The following NCOA2 variants were observed in gnomAD, a reference collection of about 807,000 sequenced individuals.
NCOA2 encodes nuclear receptor coactivator 2.
Under a neutral mutation model 145.1 loss-of-function variants are expected in NCOA2, and 21 were observed. The ratio of observed to expected loss-of-function variants is 0.14; its 90% CI spans 0.10 to 0.21. The LOEUF (loss-of-function observed/expected upper bound fraction) is 0.21, where lower values mean the gene tolerates loss of function less well. Ranked by LOEUF, NCOA2 falls within the 10% of genes least tolerant of loss-of-function variation. NCOA2 has a pLI of 1.00. For missense variants in NCOA2, 1,472 were observed against 1,837.6 expected, an observed-to-expected ratio of 0.80 and a Z score of 3.64; for synonymous variants, 619 against 637.5, an observed-to-expected ratio of 0.97 and a Z score of 0.44.
intron 9 of NCOA2, 82 bp downstream of exon 9, chr8:70,162,629 C>A (rs1032209924): frequency 2.9e-5 from 41 of 1,437,548 alleles, no homozygotes; most frequent in Non-Finnish European, 3.8e-5. Flanking sequence ...CAGCTCTGTT[C>A]CCAAGGTGAA....
chr8:70,142,582 C>T (rs1019351382), intron 13 of NCOA2, among the ~76,000 whole-genome samples: 1 of 152,002 alleles, frequency 6.6e-6, no homozygotes, highest in Non-Finnish European at 1.5e-5. Flanking sequence ...GCCTGTAGTC[C>T]CAATTACTCA....
chr8:70,282,411 C>A (rs1046406271), intron 2 of NCOA2, among the ~76,000 whole-genome samples: 4 of 152,160 alleles, frequency 2.6e-5, no homozygotes, highest in Non-Finnish European at 5.9e-5. Context: ...TAAGGCCGGG[C>A]ACGGAGGCTC....
chr8:70,238,928 T>C (rs1191362933), intron 2 of NCOA2, among the ~76,000 whole-genome samples: 1 of 152,148 alleles, frequency 6.6e-6, no homozygotes, highest in African/African-American at 2.4e-5. Flanking sequence ...TCCCTCCATA[T>C]CTGCAATCTT....
intron 1 of NCOA2, among the ~76,000 whole-genome samples, chr8:70,395,235 T>C (rs1813545583): frequency 6.6e-6 from 1 of 152,216 alleles, no homozygotes; most frequent in African/African-American, 2.4e-5. Flanking sequence ...GGTCAGAAGT[T>C]TGAATCATTA....
intron 2 of NCOA2, among the ~76,000 whole-genome samples, chr8:70,277,013 CA>C (rs1470284812): frequency 6.6e-6 from 1 of 152,116 alleles, no homozygotes; most frequent in African/African-American, 2.4e-5. Context: ...TCTTAAAAAA[CA>C]ATTTCTAAGA....
intron 2 of NCOA2, among the ~76,000 whole-genome samples, chr8:70,251,686 T>A (rs1444527691): frequency 6.6e-6 from 1 of 152,200 alleles, no homozygotes; most frequent in African/African-American, 2.4e-5. Flanking sequence ...CAGAGAAAGA[T>A]CCCAAGAATT....
chr8:70,349,838 AACTT>A, intron 1 of NCOA2, among the ~76,000 whole-genome samples: 1 of 152,186 alleles, frequency 6.6e-6, no homozygotes, highest in Non-Finnish European at 1.5e-5. Context: ...AATTTCCACT[AACTT>A]ACTCTCTAAT....
chr8:70,150,184 GC>G (rs1212322597), intron 11 of NCOA2, among the ~76,000 whole-genome samples: 1 of 152,150 alleles, frequency 6.6e-6, no homozygotes, highest in Admixed American at 6.5e-5. Flanking sequence ...CCATTTTTTA[GC>G]TAGTTTAGCC....
In NCOA2 at chr8:70,157,116, T is replaced by C. The variant is rs1174451340; in HGVS notation, c.1249A>G (p.Met417Val). 1 of 1,613,988 alleles carries C rather than the reference T, an allele frequency of 6.2e-7. No individual in the cohort carries two copies. The change falls in exon 11 of 23, where the codon ATG (methionine) becomes GTG (valine). Residue 417 changes from methionine (M) to valine (V), a missense_variant. Transcript: ENST00000452400. ...ALCSGNPGQD[M>V]TLSSNINFPI... ...AAATTTATATTGCTACTGAGGGTCA[T>C]GTCCTGACCTGGGTTCCCACTGCAC...
At chr8:70,433,343 TA>T in the NCOA2 span, among the ~76,000 whole-genome samples, 18,536 of 137,684 alleles carry the variant, frequency 0.13, 1,187 homozygotes, top group Middle Eastern at 0.22. Context: ...AGAAGTACAC[TA>T]AAAAAAAAAA....
chr8:70,304,655 TTTG>T (rs1286887543), intron 1 of NCOA2, among the ~76,000 whole-genome samples: 1 of 151,496 alleles, frequency 6.6e-6, no homozygotes, highest in Non-Finnish European at 1.5e-5. Context: ...TTTGTTTTGT[TTTG>T]TTTTTTTGTT....
chr8:70,114,973 C>G (rs1484013326), intron 22 of NCOA2, among the ~76,000 whole-genome samples: 1 of 152,138 alleles, frequency 6.6e-6, no homozygotes, highest in Non-Finnish European at 1.5e-5. Context: ...GATTTTACTT[C>G]TCAGAGAAGA....
chr8:70,216,897 T>C, intron 2 of NCOA2, 133 bp from the exon 3 acceptor site: 1 of 590,614 alleles, frequency 1.7e-6, no homozygotes, highest in South Asian at 2.2e-5. Context: ...CATTGTTTTA[T>C]GTGCATGTAT....
At chr8:70,218,899 C>G (rs1355568364) in intron 2 of NCOA2, among the ~76,000 whole-genome samples, 1 of 151,900 alleles carries the variant, frequency 6.6e-6, no homozygotes, top group Non-Finnish European at 1.5e-5. Context: ...ATGGCTATTC[C>G]CCCCCTCAAA....
intron 4 of NCOA2, among the ~76,000 whole-genome samples, chr8:70,187,563 T>TGA (rs1816213587): frequency 1.3e-5 from 2 of 152,262 alleles, no homozygotes; most frequent in South Asian, 4.1e-4. Flanking sequence ...ATACAGACTG[T>TGA]GAGCACCATG....
At chr8:70,200,393 C>T (rs149191857) in intron 4 of NCOA2, among the ~76,000 whole-genome samples, 1 of 152,246 alleles carries the variant, frequency 6.6e-6, no homozygotes, top group African/African-American at 2.4e-5. Context: ...CCATGAAGCC[C>T]AAGCAAGATC....
intron 4 of NCOA2, among the ~76,000 whole-genome samples, chr8:70,193,535 C>T (rs1161306347): frequency 6.6e-6 from 1 of 152,086 alleles, no homozygotes; most frequent in Non-Finnish European, 1.5e-5. Flanking sequence ...AACAATATTC[C>T]AAATAAAATG....
At chr8:70,387,758 A>C (rs1234895213) in intron 1 of NCOA2, among the ~76,000 whole-genome samples, 1 of 152,114 alleles carries the variant, frequency 6.6e-6, no homozygotes, top group African/African-American at 2.4e-5. Context: ...ATCCTATGTA[A>C]CTTTTGAGGT....
At chr8:70,418,007 T>C in the NCOA2 span, among the ~76,000 whole-genome samples, 1 of 152,204 alleles carries the variant, frequency 6.6e-6, no homozygotes, top group East Asian at 1.9e-4. Flanking sequence ...TTCCTCCCTT[T>C]GGAACTAAGA....
Sources: allele counts gnomAD v4.1 joint callset (sites outside exome capture counted in the v4.1 genomes callset), GRCh38; gene constraint gnomAD v4.1.1; transcripts MANE v1.5; gene names NCBI Gene and HGNC (gene_info 2026-07-23, HGNC 2026-07-21).